Variants in IDH1 observed in about 807,000 individuals in gnomAD.
The protein encoded by IDH1 is isocitrate dehydrogenase [NADP] cytoplasmic.
In IDH1, 33 loss-of-function variants were observed where a neutral mutation model predicts 46.1. The ratio of observed to expected loss-of-function variants is 0.72; its 90% CI spans 0.54 to 0.96. The LOEUF (loss-of-function observed/expected upper bound fraction) is 0.96. Among genes scored for constraint, IDH1 ranks in the 40% least tolerant of loss-of-function variants. IDH1 has a pLI of 0.00. For missense variants in IDH1, 421 were observed against 515.7 expected, an observed-to-expected ratio of 0.82 and a Z score of 1.78; for synonymous variants, 144 against 172.8, an observed-to-expected ratio of 0.83 and a Z score of 1.31.
intron 4 of IDH1, among the ~76,000 whole-genome samples, chr2:208,245,944 A>T (rs1232522200): frequency 2.0e-5 from 3 of 152,162 alleles, no homozygotes; most frequent in Non-Finnish European, 2.9e-5. Flanking sequence ...TTAAATGCTT[A>T]ACTTGCATAA....
At chr2:208,239,558 A>C (rs530131828) in intron 8 of IDH1, among the ~76,000 whole-genome samples, 34 of 152,282 alleles carry the variant, frequency 2.2e-4, no homozygotes, top group African/African-American at 6.7e-4. Context: ...GCTATCTTTG[A>C]AACTTGTTAA....
chr2:208,241,902 T>A (rs1212978038), intron 7 of IDH1, 92 bp downstream of exon 7: 3 of 1,336,276 alleles, frequency 2.2e-6, no homozygotes, highest in Non-Finnish European at 3.2e-6. Context: ...ATTCCAAGAT[T>A]TTACAACAAA....
rs555195547 is a variant in IDH1 at position 208,240,803 on chromosome 2, T to C, written c.851-800A>G. On this transcript the variant is annotated intron_variant, in intron 7 of 9. Transcript: ENST00000345146. ...CGGAGTCATCACAAAGCAATAACAC[T>C]CCTTCCTCTGTTGCATTCAGTACAA... is the stretch of plus-strand genomic sequence containing the variant. Among the ~76,000 whole-genome samples the C allele has an allele frequency of 2.6e-3, 402 of 152,302 alleles. 3 individuals carry two copies. The highest frequency in any genetic ancestry group is 9.2e-3 in the African/African-American group (381 of 41,572).
At position 208,244,663 on chromosome 2, in the gene IDH1, C is replaced by T. The variant is rs116460523; in HGVS notation, c.520+656G>A. On this transcript the variant is annotated intron_variant, in intron 5 of 9. Transcript: ENST00000345146. Reference sequence around the variant, plus strand: ...GTGAAAGGTGCTGAAGCCTGCAGAACCAGATTCCAACAGATATTATTTGGA... The same window carrying T: ...GTGAAAGGTGCTGAAGCCTGCAGAATCAGATTCCAACAGATATTATTTGGA... Among the ~76,000 whole-genome samples, 1,414 of 152,266 alleles carry T rather than the reference C, an allele frequency of 9.3e-3. 11 individuals are homozygous for T. The highest frequency in any genetic ancestry group is 0.013 in the Non-Finnish European group (883 of 68,020).
chr2:208,249,979 A>T (rs1437907559), intron 3 of IDH1, among the ~76,000 whole-genome samples: 1 of 152,238 alleles, frequency 6.6e-6, no homozygotes, highest in Non-Finnish European at 1.5e-5. Context: ...TAAGAAGATA[A>T]GAAAGGAAGG....
intron 7 of IDH1, chr2:208,240,290 TG>T: frequency 2.3e-6 from 1 of 436,356 alleles, no homozygotes; most frequent in Admixed American, 3.4e-5. Flanking sequence ...TCTAGTTCTA[TG>T]ACTTCATAGC....
chr2:208,253,188 T>C (rs949606057), intron 2 of IDH1, among the ~76,000 whole-genome samples: 1 of 152,232 alleles, frequency 6.6e-6, no homozygotes, highest in Non-Finnish European at 1.5e-5. Flanking sequence ...TGAAGACTGA[T>C]ATCTTTTTAG....
At chr2:208,251,021 G>A (rs1484885227) in intron 3 of IDH1, among the ~76,000 whole-genome samples, 4 of 152,130 alleles carry the variant, frequency 2.6e-5, no homozygotes, top group Non-Finnish European at 5.9e-5. Flanking sequence ...GAAACAGAAG[G>A]TTAGAAGAAT....
chr2:208,242,801 G>C (rs1030627363), intron 6 of IDH1, among the ~76,000 whole-genome samples: 7 of 143,592 alleles, frequency 4.9e-5, no homozygotes, highest in Non-Finnish European at 6.0e-5. Context: ...GTCTCGCTCT[G>C]TCGCCCAGGC....
intron 4 of IDH1, chr2:208,247,248 T>A (rs976178917): frequency 2.0e-5 from 3 of 152,236 alleles, no homozygotes; most frequent in African/African-American, 7.2e-5. Flanking sequence ...AAGGTCCTTT[T>A]AAGACATAAA....
rs1687942426 is a variant in IDH1, at chr2:208,242,724, A to T, written c.699-579T>A. 2.0e-5 allele frequency among the ~76,000 whole-genome samples: 3 copies of T among 149,120 alleles called. No individual in the cohort carries two copies. The South Asian group carries it at 6.5e-4, about 32-fold the overall frequency. ...ATAAACTTAGACTTAAGTTCAAATG[A>T]CTCCACTAAAACAGAATTTTAAATT... is the stretch of plus-strand genomic sequence containing the variant. On this transcript the variant is annotated intron_variant, in intron 6 of 9. Transcript: ENST00000345146.
intron 3 of IDH1, among the ~76,000 whole-genome samples, chr2:208,249,851 C>G (rs926147313): frequency 1.3e-5 from 2 of 152,186 alleles, no homozygotes; most frequent in African/African-American, 4.8e-5. Flanking sequence ...AAATGTTGAT[C>G]CAATCCCAAC....
chr2:208,251,892 C>T (rs1007841406), intron 2 of IDH1, among the ~76,000 whole-genome samples: 22 of 152,112 alleles, frequency 1.4e-4, no homozygotes, highest in Non-Finnish European at 2.8e-4. Flanking sequence ...CTAGCTAGAG[C>T]GTGGCAGAGC....
chr2:208,237,701 A>G (rs970439529), intron 9 of IDH1, among the ~76,000 whole-genome samples: 1 of 151,054 alleles, frequency 6.6e-6, no homozygotes, highest in African/African-American at 2.4e-5. Context: ...CGGGTGGATC[A>G]TGAGGTCAGG....
Position 208,252,814 on chromosome 2 carries a change from T to C in IDH1, c.-17+1072A>G, listed in dbSNP as rs1253583497. Among the ~76,000 whole-genome samples the C allele has an allele frequency of 2.6e-5, 4 of 152,346 alleles. No homozygotes were observed. The East Asian group carries it at 7.7e-4, about 29-fold the overall frequency. On this transcript the variant is annotated intron_variant, in intron 2 of 9. Transcript: ENST00000345146. ...CCCAGGCCCATTTTCACTTCCCAAA[T>C]TCGCAATTCTAGAATTCTTCTTACT...
At chr2:208,241,960 CCCTGTT>C in intron 7 of IDH1, 28 bp downstream of exon 7, 1 of 1,607,864 alleles carries the variant, frequency 6.2e-7, no homozygotes, top group African/African-American at 1.3e-5. Flanking sequence ...CCTGGAATGA[CCCTGTT>C]CCTACAGGCC....
chr2:208,237,595 T>C (rs1687835022), intron 9 of IDH1, among the ~76,000 whole-genome samples: 1 of 152,084 alleles, frequency 6.6e-6, no homozygotes, highest in African/African-American at 2.4e-5. Flanking sequence ...AAAAAAGTTA[T>C]AATGTTGTTA....
rs568660276 is a variant in IDH1 at position 208,251,657 on chromosome 2, G to C, written c.-16-90C>G. ...ACGTAGTGTTTATATAAACAACGTA[G>C]TGACTACTAAAAGAACAATTCATGC... On this transcript the variant is annotated intron_variant, in intron 2 of 9. Transcript: ENST00000345146. The C allele has an allele frequency of 5.6e-5, 57 of 1,011,330 alleles. No individual in the cohort carries two copies. The African/African-American group carries it at 8.6e-4, about 15-fold the overall frequency. The allele number at this position is 1,011,330 out of a possible 1,614,324, so 62.6% of individuals were successfully genotyped here. A position where few individuals can be genotyped will look rare whatever the true frequency, so the allele number is the denominator to read the frequency against.
intron 2 of IDH1, among the ~76,000 whole-genome samples, chr2:208,252,663 G>C (rs548998976): frequency 1.3e-4 from 20 of 152,280 alleles, no homozygotes; most frequent in African/African-American, 4.3e-4. Context: ...AGAATTATTA[G>C]ATAAGAAGCC....
Sources: gnomAD v4.1 joint callset for allele counts (sites outside exome capture counted in the v4.1 genomes callset) on GRCh38, gnomAD v4.1.1 for gene constraint, MANE v1.5 for transcripts, NCBI Gene and HGNC (gene_info 2026-07-23, HGNC 2026-07-21) for gene names.